MAP1B: variants seen among roughly 807,000 people sequenced by gnomAD.
MAP1B encodes microtubule-associated protein 1B.
Under a neutral mutation model 176.1 loss-of-function variants are expected in MAP1B, and 12 were observed. The observed-to-expected ratio is 0.07, with a 90% CI of 0.04 to 0.11. The LOEUF (loss-of-function observed/expected upper bound fraction) is 0.11, where lower values mean the gene tolerates loss of function less well. Among genes scored for constraint, MAP1B ranks in the 10% least tolerant of loss-of-function variants. The pLI, the probability that MAP1B is intolerant of heterozygous loss-of-function variation, is 1.00. For synonymous variants in MAP1B, 1,044 were observed against 1,135.0 expected (o/e 0.92, Z 1.61); for missense variants, 2,523 against 2,990.5 (o/e 0.84, Z 3.65).
intron 2 of MAP1B, among the ~76,000 whole-genome samples, chr5:72,166,922 G>A (rs1746443968): frequency 6.6e-6 from 1 of 152,160 alleles, no homozygotes; most frequent in African/African-American, 2.4e-5. Context: ...CAGGAAACAA[G>A]ATGAAACACA....
intron 2 of MAP1B, among the ~76,000 whole-genome samples, chr5:72,116,220 G>A (rs994108802): frequency 6.6e-6 from 1 of 152,096 alleles, no homozygotes; most frequent in Non-Finnish European, 1.5e-5. Flanking sequence ...ATGAAATTCT[G>A]AATACAAATT....
intron 2 of MAP1B, among the ~76,000 whole-genome samples, chr5:72,129,129 G>T (rs1745680412): frequency 1.3e-5 from 2 of 152,212 alleles, no homozygotes; most frequent in Non-Finnish European, 2.9e-5. Flanking sequence ...ATCCTAGGAA[G>T]AGACAAGGTT....
At chr5:72,168,200 C>T (rs927060062) in intron 2 of MAP1B, among the ~76,000 whole-genome samples, 1 of 152,228 alleles carries the variant, frequency 6.6e-6, no homozygotes, top group Admixed American at 6.5e-5. Flanking sequence ...TTAGGGTGCT[C>T]CATCTCACCT....
At chr5:72,178,943 C>T (rs986297573) in intron 2 of MAP1B, among the ~76,000 whole-genome samples, 2 of 152,188 alleles carry the variant, frequency 1.3e-5, no homozygotes, top group Admixed American at 1.3e-4. Flanking sequence ...TAATCTGTCA[C>T]ATTTTCAAAA....
chr5:72,175,681 G>T (rs1746638777), intron 2 of MAP1B, among the ~76,000 whole-genome samples: 2 of 152,086 alleles, frequency 1.3e-5, no homozygotes, highest in Non-Finnish European at 2.9e-5. Context: ...AATGGGACTG[G>T]GTAGGAGAGA....
At chr5:72,166,679 A>G (rs2112187611) in intron 2 of MAP1B, among the ~76,000 whole-genome samples, 1 of 152,334 alleles carries the variant, frequency 6.6e-6, no homozygotes, top group East Asian at 1.9e-4. Flanking sequence ...TCCAACAGTG[A>G]AGCGTCTTGT....
In MAP1B at chr5:72,207,051, A is replaced by T. The variant is rs568356896; in HGVS notation, c.*1812A>T. On this transcript the variant is annotated 3_prime_UTR_variant, in exon 7 of 7. Transcript: ENST00000296755. ...AAAAAAAAAATAAAAGAAATAGTAC[A>T]TTGAAAACAAATGAATTCTCAACTC... 1.3e-5 allele frequency: 2 copies of T among 152,342 alleles called. No homozygotes were observed. The highest frequency in any genetic ancestry group is 4.8e-5 in the African/African-American group (2 of 41,584). 9.4% of individuals were successfully genotyped at this position (152,342 alleles called of 1,614,324 possible). A position where few individuals can be genotyped will look rare whatever the true frequency, so the allele number is the denominator to read the frequency against.
intron 2 of MAP1B, among the ~76,000 whole-genome samples, chr5:72,160,968 A>G (rs115496429): frequency 5.4e-4 from 82 of 152,340 alleles, no homozygotes; most frequent in African/African-American, 1.9e-3. Flanking sequence ...AGAACATAGT[A>G]CAATTCAGTT....
chr5:72,197,863 C>A lies in MAP1B; in HGVS notation c.4508C>A (p.Thr1503Lys). 6.2e-7 allele frequency: 1 copy of A among 1,614,226 alleles called. No homozygotes were observed. The highest frequency in any genetic ancestry group is 8.5e-7 in the Non-Finnish European group (1 of 1,180,034). ...DERKLGDVSP[T>K]QIDVSQFGSF... ...AGGAAATTAGGAGATGTTTCTCCCA[C>A]ACAAATAGATGTCAGTCAGTTTGGA... The change falls in exon 5 of 7, where the codon ACA becomes AAA. Residue 1503 changes from threonine to lysine, a missense_variant. Thr to Lys is a moderately conservative substitution (Grantham distance 78). Transcript: ENST00000296755.
At position 72,196,621 on chromosome 5, in the gene MAP1B, C is replaced by G. The variant is rs762511128; in HGVS notation, c.3266C>G (p.Thr1089Ser). 6.2e-7 allele frequency: 1 copy of G among 1,614,056 alleles called. No homozygotes were observed. Among genetic ancestry groups the G allele is most frequent in the South Asian group, 1.1e-5 (1 of 91,070 alleles). ...REPASSIHDE[T>S]LPGGSESEAT... is the part of the protein sequence containing the mutation. ...CCTGCATCTTCAATTCATGATGAGA[C>G]TTTACCTGGAGGCTCAGAGAGCGAG... is the stretch of plus-strand genomic sequence containing the variant. Residue 1089 changes from threonine to serine, a missense_variant, in exon 5 of 7, where the codon ACT (threonine) becomes AGT (serine). This residue lies in a region of MAP1B where 1,925 missense variants were observed against 2,126.0 expected (regional missense o/e 0.91). Transcript: ENST00000296755. The surrounding 1 kb of genome is among the most constrained non-coding windows in gnomAD (Gnocchi z 5.3).
chr5:72,178,382 A>T (rs1746693811), intron 2 of MAP1B, among the ~76,000 whole-genome samples: 1 of 152,362 alleles, frequency 6.6e-6, no homozygotes, highest in African/African-American at 2.4e-5. Flanking sequence ...TAGCTAAATC[A>T]ACCCAGTCCT....
In MAP1B at chr5:72,183,694, C is replaced by T. The variant is rs202206799; in HGVS notation, c.287-49C>T. On this transcript the variant is annotated intron_variant, in intron 2 of 6. Transcript: ENST00000296755. ...CAGGAGCAGGCAGGGCAGTTTTTAT[C>T]TGGAAAAGCTAAAGGTCTCCTCTTT... 10 of 1,485,790 alleles carry T rather than the reference C, an allele frequency of 6.7e-6. No individual in the cohort carries two copies. In the East Asian group the frequency reaches 2.3e-4, roughly 34 times the overall value. The allele number at this position is 1,485,790 out of a possible 1,614,324, so 92.0% of individuals were successfully genotyped here. A position where few individuals can be genotyped will look rare whatever the true frequency, so the allele number is the denominator to read the frequency against.
At chr5:72,132,957 G>T (rs1745761944) in intron 2 of MAP1B, among the ~76,000 whole-genome samples, 1 of 152,106 alleles carries the variant, frequency 6.6e-6, no homozygotes, top group African/African-American at 2.4e-5. Flanking sequence ...CCAGCAGAGG[G>T]TTGTAGGGAC....
chr5:72,179,925 C>A (rs910425873), intron 2 of MAP1B: 12 of 985,414 alleles, frequency 1.2e-5, no homozygotes, highest in Non-Finnish European at 1.4e-5. Context: ...GCAACTGTCA[C>A]GTGGCATTTG....
At chr5:72,202,476 G>A (rs1320274097) in intron 5 of MAP1B, among the ~76,000 whole-genome samples, 1 of 152,210 alleles carries the variant, frequency 6.6e-6, no homozygotes, top group Admixed American at 6.5e-5. Flanking sequence ...GATAGAATTA[G>A]CTGGTGGTTT....
At chr5:72,158,752 G>C (rs1746275695) in intron 2 of MAP1B, among the ~76,000 whole-genome samples, 1 of 152,196 alleles carries the variant, frequency 6.6e-6, no homozygotes, top group Non-Finnish European at 1.5e-5. Context: ...CTCGTATGTG[G>C]TGAGGCAGTT....
At chr5:72,175,609 A>T (rs1369228247) in intron 2 of MAP1B, among the ~76,000 whole-genome samples, 1 of 152,192 alleles carries the variant, frequency 6.6e-6, no homozygotes, top group South Asian at 2.1e-4. Flanking sequence ...CTTGATTCTC[A>T]TCCCTTTGCC....
Position 72,194,883 on chromosome 5 carries a change from T to G in MAP1B, c.1528T>G (p.Phe510Val). 6.2e-7 allele frequency: 1 copy of G among 1,614,124 alleles called. No individual in the cohort carries two copies. The highest frequency in any genetic ancestry group is 8.5e-7 in the Non-Finnish European group (1 of 1,180,002). Residue 510 changes from phenylalanine (F) to valine (V), a missense_variant, in exon 5 of 7, where the codon TTT (phenylalanine) becomes GTT (valine). Transcript: ENST00000296755. The surrounding 1 kb of genome is among the most constrained non-coding windows in gnomAD (Gnocchi z 7.2). Reference sequence around the variant, plus strand: ...GTTGGAAAAGCTCAAACATCTAGACTTTCTGAAGCAGCCACTGGCCACCCA... The same window carrying G: ...GTTGGAAAAGCTCAAACATCTAGACGTTCTGAAGCAGCCACTGGCCACCCA... ...EGLEKLKHLD[F>V]LKQPLATQKD...
Position 72,205,586 on chromosome 5 carries a change from AGAGT to A in MAP1B, c.*351_*354del. ...GAGAGAGCGCGGGAGAGAGTGAGAG[AGAGT>A]GAGAGCACAAAGATAACGCAGGAGA... On this transcript the variant is annotated 3_prime_UTR_variant, in exon 7 of 7. Transcript: ENST00000296755. The A allele has an allele frequency of 5.3e-6, 1 of 187,624 alleles. No individual in the cohort carries two copies. The highest frequency in any genetic ancestry group is 1.3e-4 in the South Asian group (1 of 7,468). 11.6% of individuals were successfully genotyped at this position (187,624 alleles called of 1,614,324 possible). A position where few individuals can be genotyped will look rare whatever the true frequency, so the allele number is the denominator to read the frequency against.
Sources: gnomAD v4.1 joint callset for allele counts (sites outside exome capture counted in the v4.1 genomes callset) on GRCh38, gnomAD v4.1.1 for gene constraint, gnomAD v4.1.1 regional missense constraint, Gnocchi (gnomAD v3.1) non-coding constraint, MANE v1.5 for transcripts, NCBI Gene and HGNC (gene_info 2026-07-23, HGNC 2026-07-21) for gene names.